Variants in TTLL1 observed in about 807,000 individuals in gnomAD.
The protein encoded by TTLL1 is polyglutamylase complex subunit TTLL1.
In TTLL1, 33 loss-of-function variants were observed where a neutral mutation model predicts 47.8. The observed-to-expected ratio is 0.69, with a 90% CI of 0.52 to 0.92. The LOEUF (loss-of-function observed/expected upper bound fraction) is 0.92, where lower values mean the gene tolerates loss of function less well. TTLL1 is among the 40% of genes least tolerant of loss of function. TTLL1 has a pLI of 0.00. For synonymous variants in TTLL1, 225 were observed against 214.1 expected, an observed-to-expected ratio of 1.05 and a Z score of -0.45; for missense variants, 488 against 547.5, an observed-to-expected ratio of 0.89 and a Z score of 1.08.
In TTLL1 at chr22:43,069,682, C is replaced by A; in HGVS notation, c.276G>T (p.Gly92=). The A allele has an allele frequency of 6.2e-7, 1 of 1,614,226 alleles. No homozygotes were observed. The highest frequency in any genetic ancestry group is 8.5e-7 in the Non-Finnish European group (1 of 1,180,050). ...TTTCATCTTTTTCTGCCAGAGGACT[C>A]CCTTCTTTCTCCAGCTCCTTCCTGT... is the stretch of plus-strand genomic sequence containing the variant. ...KRYRKELEKE[G]SPLAEKDENG... The change falls in exon 4 of 11, where the codon GGG becomes GGT. Residue 92 remains glycine (G), a synonymous_variant. Transcript: ENST00000266254.
At chr22:43,070,581 G>C (rs1300944103) in intron 3 of TTLL1, among the ~76,000 whole-genome samples, 1 of 152,066 alleles carries the variant, frequency 6.6e-6, no homozygotes, top group Non-Finnish European at 1.5e-5. Context: ...AGCCCCCGAA[G>C]GGTTGCTGTG....
chr22:43,060,092 G>A (rs1290062529), intron 7 of TTLL1, among the ~76,000 whole-genome samples: 1 of 152,074 alleles, frequency 6.6e-6, no homozygotes, highest in Non-Finnish European at 1.5e-5. Flanking sequence ...GCACGATCTC[G>A]GCTTACTGCA....
chr22:43,039,569 T>TAAAAA lies in TTLL1; in HGVS notation c.*202_*206dup, dbSNP rs36120119. 6.5e-5 allele frequency: 27 copies of TAAAAA among 416,778 alleles called. No homozygotes were observed. Among genetic ancestry groups the TAAAAA allele is most frequent in the African/African-American group, 3.0e-4 (14 of 46,780 alleles). 25.8% of individuals were successfully genotyped at this position (416,778 alleles called of 1,614,324 possible). A position where few individuals can be genotyped will look rare whatever the true frequency, so the allele number is the denominator to read the frequency against. On this transcript the variant is annotated 3_prime_UTR_variant, in exon 11 of 11. Transcript: ENST00000266254. Reference sequence around the variant, plus strand: ...TGAAAATTCTGCTTAGGTTAAAAATTAAAAAAAAAAGAGCGAGTTTTATAC... The same window carrying TAAAAA: ...TGAAAATTCTGCTTAGGTTAAAAATTAAAAAAAAAAAAAAAGAGCGAGTTTTATAC...
intron 5 of TTLL1, among the ~76,000 whole-genome samples, chr22:43,067,803 C>T (rs1456604087): frequency 6.6e-6 from 1 of 151,612 alleles, no homozygotes; most frequent in African/African-American, 2.4e-5. Context: ...AAAACCCCAC[C>T]TCTCTCTCTT....
chr22:43,084,077 A>C (rs1929069125), intron 1 of TTLL1, among the ~76,000 whole-genome samples: 1 of 152,136 alleles, frequency 6.6e-6, no homozygotes, highest in Non-Finnish European at 1.5e-5. Flanking sequence ...AAATAAACTA[A>C]ATCCTTATTC....
At chr22:43,059,567 C>CACCCCAGAGG (rs753171092) in intron 7 of TTLL1, 40 bp from the exon 8 acceptor site, 31 of 1,592,430 alleles carry the variant, frequency 1.9e-5, no homozygotes, top group Non-Finnish European at 2.7e-5. Context: ...TCAGGCTATG[C>CACCCCAGAGG]ACCCCAGAGG....
rs568357890 is a variant in TTLL1 at position 43,051,891 on chromosome 22, G to A, written c.892-4C>T. On this transcript the variant is annotated splice_region_variant and splice_polypyrimidine_tract_variant and intron_variant, in intron 8 of 10. Transcript: ENST00000266254. ...GCTTGTCATTGTTCATCACCGGCTGGAGAGAGAGTGACCAGTGGGTGACAT... is the reference window on the plus strand; with the variant it reads ...GCTTGTCATTGTTCATCACCGGCTGAAGAGAGAGTGACCAGTGGGTGACAT... 3 of 1,613,580 alleles carry A rather than the reference G, an allele frequency of 1.9e-6. No homozygotes were observed. The highest frequency in any genetic ancestry group is 1.7e-6 in the Non-Finnish European group (2 of 1,179,722).
chr22:43,077,822 T>A (rs907439763), intron 2 of TTLL1, among the ~76,000 whole-genome samples: 1 of 152,062 alleles, frequency 6.6e-6, no homozygotes, highest in Non-Finnish European at 1.5e-5. Context: ...AAGACAATCT[T>A]CTGGCCGGGC....
At chr22:43,056,041 G>A (rs1378069820) in intron 8 of TTLL1, among the ~76,000 whole-genome samples, 1 of 151,622 alleles carries the variant, frequency 6.6e-6, no homozygotes, top group Non-Finnish European at 1.5e-5. Context: ...CACCATACCT[G>A]GCCTCCACAG....
chr22:43,073,409 T>A (rs2146985092), intron 3 of TTLL1, among the ~76,000 whole-genome samples: 1 of 151,738 alleles, frequency 6.6e-6, no homozygotes, highest in East Asian at 1.9e-4. Flanking sequence ...CAGGCTGGAG[T>A]GCAGTGGTGT....
chr22:43,077,688 A>C (rs1928599172), intron 2 of TTLL1, among the ~76,000 whole-genome samples: 1 of 152,176 alleles, frequency 6.6e-6, no homozygotes, highest in African/African-American at 2.4e-5. Context: ...CAAACTGCTC[A>C]GGCAGCCCAA....
chr22:43,078,518 AAAGAG>A (rs897792677), intron 2 of TTLL1, among the ~76,000 whole-genome samples: 16 of 152,174 alleles, frequency 1.1e-4, no homozygotes, highest in South Asian at 8.3e-4. Flanking sequence ...AGGAAAAACA[AAAGAG>A]AAGAGAAGAG....
At chr22:43,049,712 C>G (rs190194758) in intron 9 of TTLL1, among the ~76,000 whole-genome samples, 1 of 149,082 alleles carries the variant, frequency 6.7e-6, no homozygotes, top group Non-Finnish European at 1.5e-5. Flanking sequence ...TAGGCTGCAG[C>G]GAGCTATGAT....
intron 8 of TTLL1, among the ~76,000 whole-genome samples, chr22:43,057,278 T>TAA (rs11343949): frequency 1.5e-5 from 2 of 132,320 alleles, no homozygotes; most frequent in Non-Finnish European, 1.6e-5. Context: ...CAAATTAAAT[T>TAA]AAAAAAAAAA....
At chr22:43,079,116 C>A (rs1312535996) in intron 2 of TTLL1, among the ~76,000 whole-genome samples, 3 of 125,716 alleles carry the variant, frequency 2.4e-5, no homozygotes, top group African/African-American at 6.1e-5. Flanking sequence ...CTCACACCCG[C>A]AGACACGGGG....
chr22:43,039,921 G>A lies in TTLL1; in HGVS notation c.1143-16C>T. On this transcript the variant is annotated splice_polypyrimidine_tract_variant and intron_variant, in intron 10 of 10. Coordinates refer to ENST00000266254, the MANE Select transcript of TTLL1 (RefSeq NM_012263.5). ...TTCATCATACCTGGAGACAGAAACA[G>A]CCAGGATCACGGCAGGCTCTCTTTC... is the stretch of plus-strand genomic sequence containing the variant. The A allele has an allele frequency of 1.2e-6, 2 of 1,611,676 alleles. No individual in the cohort carries two copies. Among genetic ancestry groups the A allele is most frequent in the South Asian group, 1.1e-5 (1 of 90,934 alleles).
At position 43,042,591 on chromosome 22, in the gene TTLL1, G is replaced by A. The variant is rs146591081; in HGVS notation, c.1143-2686C>T. On this transcript the variant is annotated intron_variant, in intron 10 of 10. Transcript: ENST00000266254. ...TGGCCTGGGGCACGTGACCTCATGC[G>A]GCCAGTGTCCTCTGCTAGATGCTGC... Among the ~76,000 whole-genome samples the A allele has an allele frequency of 3.9e-3, 599 of 152,296 alleles. 2 individuals carry two copies. Among genetic ancestry groups the A allele is most frequent in the Non-Finnish European group, 6.5e-3 (442 of 68,020 alleles).
At chr22:43,040,558 G>A (rs1925590733) in intron 10 of TTLL1, among the ~76,000 whole-genome samples, 2 of 152,140 alleles carry the variant, frequency 1.3e-5, no homozygotes, top group African/African-American at 4.8e-5. Context: ...CGATTCTCCT[G>A]CCTCAGCCTT....
chr22:43,049,616 A>AG lies in TTLL1; in HGVS notation c.978+2184_978+2185insC, dbSNP rs1288880265. Among the ~76,000 whole-genome samples, 355 of 150,964 alleles carry AG rather than the reference A, an allele frequency of 2.4e-3. 1 individual carries two copies. Among genetic ancestry groups the AG allele is most frequent in the African/African-American group, 8.1e-3 (333 of 41,070 alleles). On this transcript the variant is annotated intron_variant, in intron 9 of 10. Transcript: ENST00000266254. Reference sequence around the variant, plus strand: ...CCCATCTCCACAAAAAAAAAAAAAAAAAATTAGCCAAGCATGGTGGCACAT... The same window carrying AG: ...CCCATCTCCACAAAAAAAAAAAAAAAGAAATTAGCCAAGCATGGTGGCACAT...
Sources: allele counts gnomAD v4.1 joint callset (sites outside exome capture counted in the v4.1 genomes callset), GRCh38; gene constraint gnomAD v4.1.1; transcripts MANE v1.5; gene names NCBI Gene and HGNC (gene_info 2026-07-23, HGNC 2026-07-21).